RELN: variants seen among roughly 807,000 people sequenced by gnomAD.
RELN encodes reelin.
RELN carries 108 observed loss-of-function variants against 427.6 expected under a neutral mutation model. The ratio of observed to expected loss-of-function variants is 0.25; its 90% CI spans 0.22 to 0.30. The LOEUF (loss-of-function observed/expected upper bound fraction) is 0.30, where lower values mean the gene tolerates loss of function less well. Ranked by LOEUF, RELN falls within the 10% of genes least tolerant of loss-of-function variation. The probability of loss-of-function intolerance (pLI) is 1.00; values close to 1 mark genes in which losing one functional copy is unlikely to be tolerated. For missense variants in RELN, 3,715 were observed against 4,302.8 expected (o/e 0.86, Z 3.82); for synonymous variants, 1,524 against 1,513.4 (o/e 1.01, Z -0.16).
At chr7:103,832,844 C>A (rs2116406450) in intron 3 of RELN, among the ~76,000 whole-genome samples, 1 of 152,174 alleles carries the variant, frequency 6.6e-6, no homozygotes, top group Non-Finnish European at 1.5e-5. Context: ...GCACTAATGG[C>A]CAGAAAGCTC....
chr7:103,917,024 C>G (rs761376477), intron 2 of RELN, 51 bp downstream of exon 2: 3 of 1,258,070 alleles, frequency 2.4e-6, no homozygotes, highest in South Asian at 2.4e-5. Flanking sequence ...AACATAAGAC[C>G]TATGACTGTA....
At chr7:103,550,379 A>T (rs1453965511) in intron 41 of RELN, among the ~76,000 whole-genome samples, 1 of 152,198 alleles carries the variant, frequency 6.6e-6, no homozygotes, top group African/African-American at 2.4e-5. Flanking sequence ...GAAAGAAAAC[A>T]TTCTTAATTC....
At chr7:103,697,726 T>C (rs1374580461) in intron 10 of RELN, 127 bp downstream of exon 10, 11 of 1,267,610 alleles carry the variant, frequency 8.7e-6, no homozygotes, top group African/African-American at 4.5e-5. Context: ...TAAATAAGTA[T>C]ATTATCTGGT....
chr7:103,717,910 G>A (rs1186575502), intron 8 of RELN, among the ~76,000 whole-genome samples: 3 of 152,152 alleles, frequency 2.0e-5, no homozygotes, highest in African/African-American at 7.2e-5. Context: ...TAAAAGAGTT[G>A]AGAGAGAATT....
Position 103,603,481 on chromosome 7 carries a change from C to T in RELN, c.3156G>A (p.Gln1052=). The stretch of plus-strand genomic sequence containing the variant: ...GGTGGCATTCAGTGCCTTGGTACCC[C>T]TGGTCACACCTATGAGAGAGCAGGG... ...SCDHGICRCD[Q]GYQGTECHPE... Residue 1052 remains glutamine, a synonymous_variant, in exon 24 of 65, where the codon CAG becomes CAA. Coordinates refer to ENST00000428762, the MANE Select transcript of RELN (RefSeq NM_005045.4). The surrounding 1 kb of genome is among the most constrained non-coding windows in gnomAD (Gnocchi z 4.3). The T allele has an allele frequency of 6.2e-7, 1 of 1,613,756 alleles. No homozygotes were observed. The highest frequency in any genetic ancestry group is 8.5e-7 in the Non-Finnish European group (1 of 1,179,742).
intron 30 of RELN, among the ~76,000 whole-genome samples, chr7:103,572,667 G>C (rs1487100057): frequency 6.6e-6 from 1 of 151,736 alleles, no homozygotes; most frequent in Non-Finnish European, 1.5e-5. Flanking sequence ...ATCCCGAGTA[G>C]CTGGGACTAC....
chr7:103,542,867 A>T lies in RELN; in HGVS notation c.6535T>A (p.Ser2179Thr). 1 of 1,614,142 alleles carries T rather than the reference A, an allele frequency of 6.2e-7. No individual in the cohort carries two copies. Among genetic ancestry groups the T allele is most frequent in the Non-Finnish European group, 8.5e-7 (1 of 1,180,032 alleles). ...LKDDFEGQLE[S>T]DRFLLMSGGK... is the part of the protein sequence containing the mutation. ...CCACTCATTAATAAGAATCTATCAG[A>T]TTCTAGCTGACCTGAAAAAATTGGA... The change falls in exon 43 of 65, where the codon TCT becomes ACT. Residue 2179 changes from serine to threonine, a missense_variant. Transcript: ENST00000428762.
Position 103,496,686 on chromosome 7 carries a change from A to G in RELN, c.9033T>C (p.Asp3011=). 2 of 1,614,204 alleles carry G rather than the reference A, an allele frequency of 1.2e-6. No individual in the cohort carries two copies. Among genetic ancestry groups the G allele is most frequent in the Non-Finnish European group, 1.7e-6 (2 of 1,180,032 alleles). Residue 3011 remains aspartate (D), a synonymous_variant, in exon 56 of 65, where the codon GAT becomes GAC. Coordinates refer to ENST00000428762, the MANE Select transcript of RELN (RefSeq NM_005045.4). Reference sequence around the variant, plus strand: ...GAAGTCGAGTTGTGTTGGTGAGGGCATCTTCAGGAAGAAGTATGTAGTCGT... The same window carrying G: ...GAAGTCGAGTTGTGTTGGTGAGGGCGTCTTCAGGAAGAAGTATGTAGTCGT... ...VRHDYILLPE[D]ALTNTTRLRW...
At chr7:103,983,861 T>TTG (rs1318434197) in intron 1 of RELN, among the ~76,000 whole-genome samples, 2 of 93,842 alleles carry the variant, frequency 2.1e-5, no homozygotes, top group African/African-American at 1.0e-4. Flanking sequence ...AACTTCATAT[T>TTG]TCTGTGTGTG....
chr7:103,739,390 G>A (rs963215757), intron 6 of RELN, among the ~76,000 whole-genome samples: 3 of 152,148 alleles, frequency 2.0e-5, no homozygotes, highest in Admixed American at 2.0e-4. Flanking sequence ...GTTGGGGGAG[G>A]TTTTGGAGGG....
intron 3 of RELN, among the ~76,000 whole-genome samples, chr7:103,798,954 G>A (rs765635296): frequency 1.3e-5 from 2 of 152,058 alleles, no homozygotes; most frequent in South Asian, 2.1e-4. Flanking sequence ...AGTGACCCTC[G>A]GTCTTTGCCC....
At position 103,622,899 on chromosome 7, in the gene RELN, C is replaced by G. The variant is rs538993823; in HGVS notation, c.2702+7041G>C. Among the ~76,000 whole-genome samples the G allele has an allele frequency of 9.8e-5, 15 of 152,356 alleles. No individual in the cohort carries two copies. The South Asian group carries it at 2.1e-3, about 21-fold the overall frequency. ...GGCCTTTCTATCTTCGTCTCCAACA[C>G]TAATTGCTACACTTTTAGTACAAAT... On this transcript the variant is annotated intron_variant, in intron 20 of 64. Coordinates refer to ENST00000428762, the MANE Select transcript of RELN (RefSeq NM_005045.4).
At position 103,711,806 on chromosome 7, in the gene RELN, G is replaced by A. The variant is rs186753909; in HGVS notation, c.806-10800C>T. Among the ~76,000 whole-genome samples, 264 of 152,066 alleles carry A rather than the reference G, an allele frequency of 1.7e-3. 3 individuals carry two copies. Among genetic ancestry groups the A allele is most frequent in the African/African-American group, 4.3e-3 (179 of 41,494 alleles). On this transcript the variant is annotated intron_variant, in intron 8 of 64. Transcript: ENST00000428762. ...CAAGTAGCTGGGATTGCAGGCACCC[G>A]CCACCAAACCTGGCTAATTTTTTTG...
chr7:103,786,861 ATCTACAGAAC>A (rs1457130859), intron 3 of RELN, among the ~76,000 whole-genome samples: 2 of 152,176 alleles, frequency 1.3e-5, no homozygotes, highest in Non-Finnish European at 2.9e-5. Context: ...CCTAAAAGAC[ATCTACAGAAC>A]TCTCCACCCC....
At chr7:103,788,416 A>C (rs1792074527) in intron 3 of RELN, among the ~76,000 whole-genome samples, 1 of 152,212 alleles carries the variant, frequency 6.6e-6, no homozygotes, top group Non-Finnish European at 1.5e-5. Flanking sequence ...TTTGCAGATG[A>C]CACGATTGTA....
intron 57 of RELN, among the ~76,000 whole-genome samples, chr7:103,493,616 G>A (rs1465580735): frequency 6.6e-6 from 1 of 152,186 alleles, no homozygotes; most frequent in Non-Finnish European, 1.5e-5. Flanking sequence ...TATGGAGAGA[G>A]AAGAAAGTTG....
chr7:103,943,848 C>CAAAAAAAAAAAAAAA (rs10631941), intron 1 of RELN, among the ~76,000 whole-genome samples: 1 of 76,440 alleles, frequency 1.3e-5, no homozygotes, highest in African/African-American at 5.9e-5. Flanking sequence ...ATTCTGTCTC[C>CAAAAAAAAAAAAAAA]AAAAAAAAAA....
At chr7:103,780,521 A>G (rs916808525) in intron 3 of RELN, among the ~76,000 whole-genome samples, 7 of 152,160 alleles carry the variant, frequency 4.6e-5, no homozygotes, top group Non-Finnish European at 1.0e-4. Context: ...AGTACACATT[A>G]GTTATTTTTC....
At chr7:103,502,262 G>GTAATAA (rs146215793) in intron 52 of RELN, among the ~76,000 whole-genome samples, 4 of 151,738 alleles carry the variant, frequency 2.6e-5, no homozygotes, top group African/African-American at 4.8e-5. Context: ...ACCCTGAGTG[G>GTAATAA]TAATAATAAT....
Sources: gnomAD v4.1 joint callset for allele counts (sites outside exome capture counted in the v4.1 genomes callset) on GRCh38, gnomAD v4.1.1 for gene constraint, Gnocchi (gnomAD v3.1) non-coding constraint, MANE v1.5 for transcripts, NCBI Gene and HGNC (gene_info 2026-07-23, HGNC 2026-07-21) for gene names.